SAMD5: variants seen among roughly 807,000 people sequenced by gnomAD.
SAMD5 encodes sterile alpha motif domain-containing protein 5.
SAMD5 carries 13 observed loss-of-function variants against 11.3 expected under a neutral mutation model. The observed-to-expected ratio is 1.15, with a 90% confidence interval of 0.75 to 1.83. SAMD5 has a LOEUF of 1.83. Among genes scored for constraint, SAMD5 ranks in the 40% most tolerant of loss-of-function variants. SAMD5 has a pLI of 0.00. For missense variants in SAMD5, 255 were observed against 239.1 expected (o/e 1.07, Z -0.44); for synonymous variants, 129 against 111.3 (o/e 1.16, Z -1.00).
chr6:147,568,532 A>G lies in SAMD5; in HGVS notation c.*4076A>G, dbSNP rs1789080436. 1.0e-6 allele frequency: 1 copy of G among 985,296 alleles called. No individual in the cohort carries two copies. Among genetic ancestry groups the G allele is most frequent in the African/African-American group, 1.7e-5 (1 of 57,250 alleles). 61.0% of individuals were successfully genotyped at this position (985,296 alleles called of 1,614,324 possible). A position where few individuals can be genotyped will look rare whatever the true frequency, so the allele number is the denominator to read the frequency against. ...CTAGGGAAAATAAGAGAAATAAGTG[A>G]AAGTCTGACCCTACATTGCCAATTC... On this transcript the variant is annotated 3_prime_UTR_variant, in exon 2 of 2. Coordinates refer to ENST00000367474, the MANE Select transcript of SAMD5 (RefSeq NM_001030060.3).
At chr6:147,802,334 G>GTCAGTTTTAGACTTATGAATAATGGCGCT in the SAMD5 span, among the ~76,000 whole-genome samples, 1 of 151,450 alleles carries the variant, frequency 6.6e-6, no homozygotes, top group Non-Finnish European at 1.5e-5. Context: ...GGTCATTAAA[G>GTCAGTTTTAGACTTATGAATAATGGCGCT]AAATGCAAGA....
intron 1 of SAMD5, among the ~76,000 whole-genome samples, chr6:147,599,146 G>A (rs1789579201): frequency 6.6e-6 from 1 of 152,200 alleles, no homozygotes; most frequent in African/African-American, 2.4e-5. Context: ...GATTGGGCAA[G>A]GCTAGGACTT....
the SAMD5 span, among the ~76,000 whole-genome samples, chr6:147,924,968 G>A: frequency 6.6e-6 from 1 of 152,026 alleles, no homozygotes; most frequent in Non-Finnish European, 1.5e-5. Flanking sequence ...TAAGTTTAAT[G>A]TCTTGTATTT....
the SAMD5 span, among the ~76,000 whole-genome samples, chr6:147,784,340 TTCTC>T: frequency 6.6e-6 from 1 of 152,264 alleles, no homozygotes; most frequent in Middle Eastern, 3.4e-3. Context: ...TCTAAAAATA[TTCTC>T]TCTCTGCTTT....
intron 1 of SAMD5, among the ~76,000 whole-genome samples, chr6:147,725,315 G>A (rs1049742886): frequency 6.6e-6 from 1 of 151,890 alleles, no homozygotes; most frequent in African/African-American, 2.4e-5. Flanking sequence ...AGCAGGCAGC[G>A]GAGGAGGAGT....
At chr6:147,851,798 A>G in the SAMD5 span, among the ~76,000 whole-genome samples, 1 of 152,230 alleles carries the variant, frequency 6.6e-6, no homozygotes, top group Non-Finnish European at 1.5e-5. Context: ...TAAATCTGGG[A>G]GCAGATGGCC....
intron 1 of SAMD5, among the ~76,000 whole-genome samples, chr6:147,538,639 C>T (rs984288095): frequency 1.3e-5 from 2 of 152,094 alleles, no homozygotes; most frequent in African/African-American, 4.8e-5. Context: ...CTTCGTATGT[C>T]CCCAGGCCTT....
the SAMD5 span, among the ~76,000 whole-genome samples, chr6:147,755,576 T>C: frequency 6.6e-6 from 1 of 152,154 alleles, no homozygotes; most frequent in African/African-American, 2.4e-5. Flanking sequence ...AATTCAACTA[T>C]ATCATCCTCA....
At chr6:147,624,254 T>G (rs867986775) in intron 1 of SAMD5, among the ~76,000 whole-genome samples, 32 of 152,168 alleles carry the variant, frequency 2.1e-4, no homozygotes, top group South Asian at 1.0e-3. Context: ...TGGAGTGTGC[T>G]CAGAAGGCCG....
chr6:147,795,985 G>A, the SAMD5 span, among the ~76,000 whole-genome samples: 1 of 148,222 alleles, frequency 6.7e-6, no homozygotes, highest in Non-Finnish European at 1.5e-5. Flanking sequence ...CAGATGAGTA[G>A]GTTGCGAAAA....
chr6:147,908,552 G>A, the SAMD5 span, among the ~76,000 whole-genome samples: 1 of 152,172 alleles, frequency 6.6e-6, no homozygotes, highest in Admixed American at 6.5e-5. Flanking sequence ...AAGTGAGTCT[G>A]TCATGAGCTG....
chr6:147,598,944 G>C (rs1156261045), intron 1 of SAMD5, among the ~76,000 whole-genome samples: 1 of 152,094 alleles, frequency 6.6e-6, no homozygotes. Flanking sequence ...GTTCTTCTGG[G>C]GAACACAGAC....
At chr6:147,784,505 T>C in the SAMD5 span, among the ~76,000 whole-genome samples, 3 of 152,226 alleles carry the variant, frequency 2.0e-5, no homozygotes, top group Non-Finnish European at 4.4e-5. Flanking sequence ...CATCTCAATA[T>C]ATGTTTTGTT....
the SAMD5 span, among the ~76,000 whole-genome samples, chr6:147,901,715 C>A: frequency 6.6e-6 from 1 of 152,158 alleles, no homozygotes; most frequent in African/African-American, 2.4e-5. Flanking sequence ...TAGGTATAAT[C>A]ACTTATTTAG....
the SAMD5 span, among the ~76,000 whole-genome samples, chr6:147,882,715 C>T: frequency 6.6e-5 from 10 of 152,100 alleles, no homozygotes; most frequent in South Asian, 2.1e-4. Context: ...TAAGCCATGC[C>T]GGTGTGAGGA....
chr6:147,615,433 TTAAAAA>T (rs1789850924), intron 1 of SAMD5, among the ~76,000 whole-genome samples: 1 of 152,226 alleles, frequency 6.6e-6, no homozygotes, highest in Non-Finnish European at 1.5e-5. Flanking sequence ...AGTTATTAAC[TTAAAAA>T]TAAATCACTG....
At chr6:147,620,552 G>A (rs1375912307) in intron 1 of SAMD5, among the ~76,000 whole-genome samples, 1 of 152,310 alleles carries the variant, frequency 6.6e-6, no homozygotes, top group Non-Finnish European at 1.5e-5. Context: ...CTGCTTCAAG[G>A]TAGAAGAAGT....
the SAMD5 span, among the ~76,000 whole-genome samples, chr6:147,792,328 A>G: frequency 1.3e-5 from 2 of 152,210 alleles, no homozygotes; most frequent in Non-Finnish European, 2.9e-5. Context: ...GCAAATGAAT[A>G]GTGAGTGGTG....
chr6:147,568,554 A>G lies in SAMD5; in HGVS notation c.*4098A>G. 2.0e-6 allele frequency: 2 copies of G among 985,452 alleles called. No homozygotes were observed. The highest frequency in any genetic ancestry group is 1.2e-6 in the Non-Finnish European group (1 of 829,926). The allele number at this position is 985,452 out of a possible 1,614,324, so 61.0% of individuals were successfully genotyped here. A position where few individuals can be genotyped will look rare whatever the true frequency, so the allele number is the denominator to read the frequency against. ...GTGAAAGTCTGACCCTACATTGCCA[A>G]TTCTCAGACCAAGTACAAAGTATTA... On this transcript the variant is annotated 3_prime_UTR_variant, in exon 2 of 2. Transcript: ENST00000367474.
Sources: allele counts gnomAD v4.1 joint callset (sites outside exome capture counted in the v4.1 genomes callset), GRCh38; gene constraint gnomAD v4.1.1; transcripts MANE v1.5; gene names NCBI Gene and HGNC (gene_info 2026-07-23, HGNC 2026-07-21).